VPS13B: variants seen among roughly 807,000 people sequenced by gnomAD.
VPS13B encodes intermembrane lipid transfer protein VPS13B.
A neutral mutation model predicts 426.4 loss-of-function variants in VPS13B; 285 were observed. The ratio of observed to expected loss-of-function variants is 0.67; its 90% CI spans 0.61 to 0.74. VPS13B has a LOEUF of 0.74. Ranked by LOEUF, VPS13B falls within the 30% of genes least tolerant of loss-of-function variation. The probability of loss-of-function intolerance (pLI) is 0.00; values close to 1 mark genes in which losing one functional copy is unlikely to be tolerated. For missense variants in VPS13B, 4,537 were observed against 4,782.6 expected (o/e 0.95, Z 1.51); for synonymous variants, 1,676 against 1,676.4 (o/e 1.00, Z 0.01).
intron 19 of VPS13B, among the ~76,000 whole-genome samples, chr8:99,376,846 A>C (rs1813516427): frequency 6.6e-6 from 1 of 152,044 alleles, no homozygotes; most frequent in African/African-American, 2.4e-5. Flanking sequence ...ATAGTATATA[A>C]TATGGCCTGT....
chr8:99,044,084 C>CTTTTTTTTTTTTTTTTTTTTTTTTTTT (rs5893476), intron 3 of VPS13B, among the ~76,000 whole-genome samples: 6 of 98,932 alleles, frequency 6.1e-5, no homozygotes, highest in Non-Finnish European at 7.4e-5. Flanking sequence ...TTCTTTCTTT[C>CTTTTTTTTTTTTTTTTTTTTTTTTTTT]TTTTTTTTTT....
chr8:99,126,964 G>A lies in VPS13B; in HGVS notation c.1206+5519G>A, dbSNP rs189955167. On this transcript the variant is annotated intron_variant, in intron 8 of 61. Transcript: ENST00000357162. ...ACAAAAATTAGCTAAGCAGGATGGC[G>A]TGTGCCTGTAGTACCAGATACTTAG... Among the ~76,000 whole-genome samples the A allele has an allele frequency of 3.9e-3, 586 of 152,206 alleles. 4 individuals are homozygous for A. Among genetic ancestry groups the A allele is most frequent in the Admixed American group, 6.0e-3 (92 of 15,278 alleles).
At chr8:99,591,065 G>T (rs930237373) in intron 33 of VPS13B, among the ~76,000 whole-genome samples, 3 of 151,530 alleles carry the variant, frequency 2.0e-5, no homozygotes, top group African/African-American at 7.3e-5. Flanking sequence ...TCTTCTTGTT[G>T]AATTGATCCC....
chr8:99,815,025 T>C lies in VPS13B; in HGVS notation c.8098-2515T>C, dbSNP rs572679486. Among the ~76,000 whole-genome samples the C allele has an allele frequency of 2.1e-5, 3 of 145,144 alleles. No homozygotes were observed. The South Asian group carries it at 6.6e-4, about 32-fold the overall frequency. On this transcript the variant is annotated intron_variant, in intron 44 of 61. Transcript: ENST00000357162. Reference sequence around the variant, plus strand: ...TCTCTGTTAAGATGGGGAGTCACAGTAGCACCTACTTTATAAGGTTGCTGT... The same window carrying C: ...TCTCTGTTAAGATGGGGAGTCACAGCAGCACCTACTTTATAAGGTTGCTGT...
rs750092574 is a variant in VPS13B, at chr8:99,699,524, G to C, written c.6047-1G>C. The C allele has an allele frequency of 6.2e-7, 1 of 1,613,122 alleles. No homozygotes were observed. Among genetic ancestry groups the C allele is most frequent in the Non-Finnish European group, 8.5e-7 (1 of 1,179,986 alleles). ...TTGTTTTCTCTTTTTTACTTCTATA[G>C]CGGATGTCAATTTGGATATATCAAA... On this transcript the variant is annotated splice_acceptor_variant, in intron 35 of 61. Coordinates refer to ENST00000357162, the MANE Select transcript of VPS13B (RefSeq NM_152564.5). LOFTEE classifies it high-confidence loss of function.
chr8:99,734,716 A>G (rs1833751011), intron 39 of VPS13B, among the ~76,000 whole-genome samples: 1 of 152,354 alleles, frequency 6.6e-6, no homozygotes, highest in East Asian at 1.9e-4. Flanking sequence ...TATTGGATGC[A>G]TAGACAACTG....
At chr8:99,329,295 A>G (rs969755241) in intron 19 of VPS13B, among the ~76,000 whole-genome samples, 6 of 152,134 alleles carry the variant, frequency 3.9e-5, no homozygotes, top group African/African-American at 1.4e-4. Flanking sequence ...ATTCATTTCA[A>G]TAAAAGCAGC....
chr8:99,541,160 T>G (rs1823594121), intron 30 of VPS13B, among the ~76,000 whole-genome samples: 1 of 152,174 alleles, frequency 6.6e-6, no homozygotes, highest in South Asian at 2.1e-4. Flanking sequence ...CAAAGAATAT[T>G]GTTTTCTGGT....
chr8:99,511,331 T>C lies in VPS13B; in HGVS notation c.4452T>C (p.Asn1484=), dbSNP rs148033080. Residue 1484 remains asparagine, a synonymous_variant, in exon 29 of 62, where the codon AAT becomes AAC. Transcript: ENST00000357162. ...TTGTTCTTTATTTTCCTTTACTTAATGCCATTGCAAGTATATTTCAAGCAA... is the reference window on the plus strand; with the variant it reads ...TTGTTCTTTATTTTCCTTTACTTAACGCCATTGCAAGTATATTTCAAGCAA... ...FDIVLYFPLL[N]AIASIFQAKL... is the part of the protein sequence containing the mutation. 79 of 1,613,954 alleles carry C rather than the reference T, an allele frequency of 4.9e-5. No homozygotes were observed. The African/African-American group carries it at 9.6e-4, about 20-fold the overall frequency.
intron 28 of VPS13B, 46 bp downstream of exon 28, chr8:99,507,249 C>T (rs372785764): frequency 1.5e-5 from 24 of 1,577,176 alleles, no homozygotes; most frequent in Non-Finnish European, 2.6e-6. Context: ...GTACTTTAAA[C>T]TGTTTATCTT....
chr8:99,181,331 C>T (rs1812936322), intron 16 of VPS13B, among the ~76,000 whole-genome samples: 1 of 152,124 alleles, frequency 6.6e-6, no homozygotes, highest in Non-Finnish European at 1.5e-5. Context: ...TATGCTTGCA[C>T]AGGTAAAAAG....
chr8:99,638,619 T>C (rs1480296483), intron 33 of VPS13B, among the ~76,000 whole-genome samples: 1 of 152,152 alleles, frequency 6.6e-6, no homozygotes, highest in Non-Finnish European at 1.5e-5. Context: ...TGTTAATTAA[T>C]TTTATGCTGC....
chr8:99,542,809 G>A (rs961523685), intron 30 of VPS13B, among the ~76,000 whole-genome samples: 1 of 152,086 alleles, frequency 6.6e-6, no homozygotes, highest in Non-Finnish European at 1.5e-5. Flanking sequence ...GTAAAACAGG[G>A]ATGATAATAC....
intron 58 of VPS13B, among the ~76,000 whole-genome samples, chr8:99,866,274 C>G (rs759725661): frequency 2.6e-5 from 4 of 152,232 alleles, no homozygotes; most frequent in African/African-American, 9.6e-5. Context: ...TCCAGGCTCT[C>G]AGAGAGGCTG....
intron 2 of VPS13B, among the ~76,000 whole-genome samples, chr8:99,032,622 C>T (rs375357152): frequency 1.6e-4 from 24 of 151,012 alleles, no homozygotes; most frequent in Middle Eastern, 3.4e-3. Context: ...CTCCGCCTCC[C>T]GGGTTCACGC....
chr8:99,055,026 T>C (rs923135608), intron 3 of VPS13B, among the ~76,000 whole-genome samples: 2 of 141,654 alleles, frequency 1.4e-5, no homozygotes, highest in Non-Finnish European at 3.0e-5. Flanking sequence ...TCCTATTTTG[T>C]ATTTCTGTTT....
intron 20 of VPS13B, 54 bp from the exon 21 acceptor site, chr8:99,391,503 A>G (rs1458640114): frequency 2.5e-6 from 4 of 1,613,258 alleles, no homozygotes; most frequent in Non-Finnish European, 3.4e-6. Flanking sequence ...TTTGCTGCTT[A>G]AGAAATAGTG....
chr8:99,654,726 C>CACAAATAAATGTATCATACT (rs1829957385), intron 34 of VPS13B, among the ~76,000 whole-genome samples: 1 of 151,980 alleles, frequency 6.6e-6, no homozygotes, highest in Admixed American at 6.6e-5. Flanking sequence ...CATAGATAGC[C>CACAAATAAATGTATCATACT]ACAAATAAAT....
chr8:99,766,536 A>G (rs1811235592), intron 39 of VPS13B, among the ~76,000 whole-genome samples: 1 of 152,142 alleles, frequency 6.6e-6, no homozygotes, highest in Admixed American at 6.6e-5. Context: ...TTTGTTCTCC[A>G]TTATTACTTT....
Sources: allele counts gnomAD v4.1 joint callset (sites outside exome capture counted in the v4.1 genomes callset), GRCh38; gene constraint gnomAD v4.1.1; transcripts MANE v1.5; gene names NCBI Gene and HGNC (gene_info 2026-07-23, HGNC 2026-07-21).